The following RANGAP1 variants were observed in gnomAD, a reference collection of about 807,000 sequenced individuals.
RANGAP1 encodes Ran GTPase activating protein 1, also known as ran GTPase-activating protein 1.
A neutral mutation model predicts 63.5 loss-of-function variants in RANGAP1; 38 were observed. That is an observed-to-expected ratio of 0.60 (90% CI 0.46 to 0.78). The LOEUF (loss-of-function observed/expected upper bound fraction) is 0.78, where lower values mean the gene tolerates loss of function less well. RANGAP1 is among the 30% of genes least tolerant of loss of function. The probability of loss-of-function intolerance (pLI) is 0.00; values close to 1 mark genes in which losing one functional copy is unlikely to be tolerated. For missense variants in RANGAP1, 630 were observed against 740.3 expected, an observed-to-expected ratio of 0.85 and a Z score of 1.73; for synonymous variants, 329 against 310.5, an observed-to-expected ratio of 1.06 and a Z score of -0.63.
At chr22:41,267,519 T>C (rs1299159330) in intron 4 of RANGAP1, among the ~76,000 whole-genome samples, 1 of 152,134 alleles carries the variant, frequency 6.6e-6, no homozygotes, top group African/African-American at 2.4e-5. Flanking sequence ...TGGCCAGGCA[T>C]GCCTTTCTGT....
upstream of RANGAP1, among the ~76,000 whole-genome samples, chr22:41,287,150 G>T (rs994523564): frequency 6.6e-6 from 1 of 152,100 alleles, no homozygotes; most frequent in Non-Finnish European, 1.5e-5. Context: ...GACTGCCCTT[G>T]TTCTTGGAAA....
chr22:41,248,138 C>A (rs578095275), intron 15 of RANGAP1, among the ~76,000 whole-genome samples: 1 of 123,736 alleles, frequency 8.1e-6, no homozygotes, highest in South Asian at 2.5e-4. Context: ...GGCACTGCAG[C>A]AACAGCACTG....
At chr22:41,260,045 T>C (rs910036819) in intron 6 of RANGAP1, among the ~76,000 whole-genome samples, 6 of 151,828 alleles carry the variant, frequency 4.0e-5, no homozygotes, top group Admixed American at 1.3e-4. Flanking sequence ...GGACTACATG[T>C]GCTTGTTTGT....
At chr22:41,263,853 C>T (rs2034310255) in intron 5 of RANGAP1, among the ~76,000 whole-genome samples, 1 of 152,262 alleles carries the variant, frequency 6.6e-6, no homozygotes, top group African/African-American at 2.4e-5. Flanking sequence ...CAGCCTGGGG[C>T]TCCATGGGCC....
rs546621160 is a variant in RANGAP1 at position 41,269,539 on chromosome 22, A to G, written c.241-1383T>C. ...CACCTGAGGTCAGGAGTTTGAGAGT[A>G]GCCTGGCCAACATGTCAAAACCCCA... On this transcript the variant is annotated intron_variant, in intron 3 of 15. Transcript: ENST00000356244. Among the ~76,000 whole-genome samples, 6 of 152,058 alleles carry G rather than the reference A, an allele frequency of 3.9e-5. No individual in the cohort carries two copies. In the South Asian group the frequency reaches 1.2e-3, roughly 32 times the overall value.
At position 41,285,449 on chromosome 22, in the gene RANGAP1, G is replaced by A. The variant is rs1027152742; in HGVS notation, c.-39+537C>T. ...ATCAGCGCCAGAGCAAAAGCAAAGGGCTAATAGAGAAACATCCTCTCCCCG... is the reference window on the plus strand; with the variant it reads ...ATCAGCGCCAGAGCAAAAGCAAAGGACTAATAGAGAAACATCCTCTCCCCG... On this transcript the variant is annotated intron_variant, in intron 1 of 15. Coordinates refer to ENST00000356244, the MANE Select transcript of RANGAP1 (RefSeq NM_002883.4). 5.3e-6 allele frequency: 5 copies of A among 946,238 alleles called. No individual in the cohort carries two copies. The African/African-American group carries it at 7.1e-5, about 13-fold the overall frequency. 58.6% of individuals were successfully genotyped at this position (946,238 alleles called of 1,614,324 possible).
rs376152766 is a variant in RANGAP1 at position 41,278,038 on chromosome 22, G to GTT, written c.112+2893_112+2894dup. ...GGATTTCAGAGCCAGCCAAACTTGA[G>GTT]TTTTTTTTTTTTTTTTTTGAGATAG... On this transcript the variant is annotated intron_variant, in intron 2 of 15. Coordinates refer to ENST00000356244, the MANE Select transcript of RANGAP1 (RefSeq NM_002883.4). Among the ~76,000 whole-genome samples, 425 of 132,144 alleles carry GTT rather than the reference G, an allele frequency of 3.2e-3. 6 individuals carry two copies. The highest frequency in any genetic ancestry group is 7.1e-3 in the Admixed American group (91 of 12,728). 86.7% of individuals were successfully genotyped at this position (132,144 alleles called of 152,430 possible).
intron 2 of RANGAP1, among the ~76,000 whole-genome samples, chr22:41,278,817 A>G (rs935906909): frequency 2.0e-5 from 3 of 152,226 alleles, no homozygotes; most frequent in Admixed American, 1.3e-4. Context: ...CCTGGCCAAC[A>G]TGGCAAAACC....
chr22:41,293,233 C>CA, the RANGAP1 span, among the ~76,000 whole-genome samples: 1,971 of 94,824 alleles, frequency 0.021, 17 homozygotes, highest in Middle Eastern at 0.11. Flanking sequence ...AGACTCCTCT[C>CA]AAAAAAAAAA....
At chr22:41,260,612 C>T (rs913880457) in intron 6 of RANGAP1, among the ~76,000 whole-genome samples, 1 of 152,216 alleles carries the variant, frequency 6.6e-6, no homozygotes, top group African/African-American at 2.4e-5. Context: ...CTTTGGGAGG[C>T]CCAGGCGGGC....
chr22:41,294,057 C>G, the RANGAP1 span, among the ~76,000 whole-genome samples: 1 of 136,682 alleles, frequency 7.3e-6, no homozygotes, highest in Non-Finnish European at 1.6e-5. Context: ...CCTCTCCCCA[C>G]GGTCTCCCTC....
intron 3 of RANGAP1, among the ~76,000 whole-genome samples, chr22:41,270,602 C>T (rs1004548537): frequency 6.6e-6 from 1 of 152,236 alleles, no homozygotes; most frequent in African/African-American, 2.4e-5. Context: ...TGTGTACCAA[C>T]ACACCCAGCT....
the RANGAP1 span, among the ~76,000 whole-genome samples, chr22:41,294,897 C>T: frequency 6.0e-5 from 5 of 83,180 alleles, no homozygotes; most frequent in Non-Finnish European, 9.4e-5. Context: ...GTGAGCCCCC[C>T]GCCCGGCCAG....
intron 2 of RANGAP1, among the ~76,000 whole-genome samples, chr22:41,275,624 C>CA (rs2035090096): frequency 6.6e-6 from 1 of 152,018 alleles, no homozygotes; most frequent in Non-Finnish European, 1.5e-5. Flanking sequence ...ACTAAAAATA[C>CA]AAAAATTAGC....
chr22:41,280,022 C>T (rs373354522), intron 2 of RANGAP1, among the ~76,000 whole-genome samples: 12 of 152,084 alleles, frequency 7.9e-5, no homozygotes, highest in East Asian at 3.9e-4. Flanking sequence ...TGCTCGAACC[C>T]GTGAGGCAGA....
intron 2 of RANGAP1, among the ~76,000 whole-genome samples, chr22:41,277,697 C>T (rs1026132775): frequency 2.6e-5 from 4 of 152,148 alleles, no homozygotes; most frequent in Admixed American, 2.0e-4. Context: ...CTCACTGATG[C>T]GGGTACCTTC....
rs1569182475 is a variant in RANGAP1 at position 41,258,086 on chromosome 22, C to G, written c.636G>C (p.Glu212Asp). Residue 212 changes from glutamate to aspartate, a missense_variant, in exon 7 of 16, where the codon GAG becomes GAC. This residue lies in a region of RANGAP1 where 137 missense variants were observed against 214.3 expected (regional missense o/e 0.64). Transcript: ENST00000356244. ...TGATCCCATTCTGTGGCATGTGGAC[C>G]TCCTCCAGGGTCCCGATGACCTGTG... ...EAFRVIGTLEEVHMPQNGINH... is the reference protein window; with the variant it reads ...EAFRVIGTLEDVHMPQNGINH... The G allele has an allele frequency of 1.2e-6, 2 of 1,611,326 alleles. No individual in the cohort carries two copies. Among genetic ancestry groups the G allele is most frequent in the Non-Finnish European group, 1.7e-6 (2 of 1,178,276 alleles).
chr22:41,278,959 G>T (rs937113153), intron 2 of RANGAP1, among the ~76,000 whole-genome samples: 27 of 152,010 alleles, frequency 1.8e-4, no homozygotes, highest in Non-Finnish European at 2.9e-5. Flanking sequence ...TAACTAACAC[G>T]GTGAAACCCC....
intron 5 of RANGAP1, among the ~76,000 whole-genome samples, chr22:41,263,924 T>C (rs758880778): frequency 3.0e-4 from 45 of 152,240 alleles, no homozygotes; most frequent in Non-Finnish European, 5.9e-4. Context: ...CTGAGTCATG[T>C]GGAAAAACTG....
Sources: allele counts gnomAD v4.1 joint callset (sites outside exome capture counted in the v4.1 genomes callset), GRCh38; gene constraint gnomAD v4.1.1; regional missense constraint gnomAD v4.1.1; transcripts MANE v1.5; gene names NCBI Gene and HGNC (gene_info 2026-07-23, HGNC 2026-07-21).